Variants in NEURL4 observed in about 807,000 individuals in gnomAD.
NEURL4 encodes neuralized E3 ubiquitin protein ligase 4, also known as neuralized-like protein 4.
Under a neutral mutation model 148.0 loss-of-function variants are expected in NEURL4, and 45 were observed. That is an observed-to-expected ratio of 0.30 (90% CI 0.24 to 0.39). NEURL4 has a LOEUF of 0.39. NEURL4 is among the 10% of genes least tolerant of loss of function. The pLI is 1.00. For synonymous variants in NEURL4, 854 were observed against 869.0 expected (o/e 0.98, Z 0.30); for missense variants, 1,776 against 2,144.0 (o/e 0.83, Z 3.39).
intron 8 of NEURL4, 45 bp downstream of exon 8, chr17:7,325,164 A>AT: frequency 4.0e-6 from 1 of 251,018 alleles, no homozygotes; most frequent in Non-Finnish European, 6.8e-6. Flanking sequence ...CCCCCCCCCC[A>AT]TTAGAATCCC....
At position 7,318,113 on chromosome 17, in the gene NEURL4, C is replaced by T. The variant is rs201462316; in HGVS notation, c.4012G>A (p.Glu1338Lys). 4.6e-5 allele frequency: 75 copies of T among 1,614,052 alleles called. No individual in the cohort carries two copies. Among genetic ancestry groups the T allele is most frequent in the Middle Eastern group, 3.3e-4 (2 of 6,084 alleles). ...PPAASPLKSCEYHALCSRFQE... is the reference protein window; with the variant it reads ...PPAASPLKSCKYHALCSRFQE... ...AAGCGAGAGCAAAGGGCATGGTACT[C>T]GCAGCTCTTTAGAGGACTAGCGGCA... The change falls in exon 25 of 29, where the codon GAG becomes AAG. Residue 1338 changes from glutamate to lysine, a missense_variant. Physicochemically the swap from Glu to Lys is moderately conservative, Grantham distance 56. Coordinates refer to ENST00000399464, the MANE Select transcript of NEURL4 (RefSeq NM_032442.3). The surrounding 1 kb of genome is among the most constrained non-coding windows in gnomAD (Gnocchi z 4.3).
chr17:7,320,478 G>C (rs1251977137), intron 21 of NEURL4, among the ~76,000 whole-genome samples: 2 of 152,130 alleles, frequency 1.3e-5, no homozygotes, highest in Admixed American at 6.6e-5. Context: ...GTAGCAAAAA[G>C]GCACCTTCTT....
intron 21 of NEURL4, among the ~76,000 whole-genome samples, 166 bp from the exon 22 acceptor site, chr17:7,319,374 CTTT>C (rs374281551): frequency 2.0e-3 from 224 of 113,850 alleles, no homozygotes; most frequent in African/African-American, 6.3e-3. Flanking sequence ...TTCTTTCCCT[CTTT>C]TTTTTTTTTT....
rs1219298698 is a variant in NEURL4, at chr17:7,322,716, C to T, written c.2725+19G>A. The T allele has an allele frequency of 2.5e-6, 4 of 1,607,276 alleles. No individual in the cohort carries two copies. The East Asian group carries it at 6.7e-5, about 27-fold the overall frequency. ...AGCAGGCAAGCAGAGCCCGTCCAGC[C>T]CCCGCCCTGCTGCCGCACCTGGGGA... On this transcript the variant is annotated intron_variant, in intron 16 of 28. Transcript: ENST00000399464. This position sits in a 1 kb window ranked among gnomAD's most constrained non-coding sequence, Gnocchi z 5.5.
rs1411751773 is a variant in NEURL4 at position 7,326,007 on chromosome 17, G to A, written c.1293+248C>T. Reference sequence around the variant, plus strand: ...TGCAGGAGGTGGGGGAGCAATCAAAGAGGATAAGCTTCTTGCCCCGGTTCG... The same window carrying A: ...TGCAGGAGGTGGGGGAGCAATCAAAAAGGATAAGCTTCTTGCCCCGGTTCG... On this transcript the variant is annotated intron_variant, in intron 6 of 28. Transcript: ENST00000399464. This position sits in a 1 kb window ranked among gnomAD's most constrained non-coding sequence, Gnocchi z 6.0. Among the ~76,000 whole-genome samples the A allele has an allele frequency of 6.6e-6, 1 of 152,190 alleles. No homozygotes were observed. The highest frequency in any genetic ancestry group is 1.5e-5 in the Non-Finnish European group (1 of 68,036).
intron 1 of NEURL4, among the ~76,000 whole-genome samples, chr17:7,328,097 T>A (rs1306965833): frequency 6.6e-6 from 1 of 152,228 alleles, no homozygotes; most frequent in Non-Finnish European, 1.5e-5. Context: ...ACTAAACCAC[T>A]CCTTTCCAAG....
At position 7,320,920 on chromosome 17, in the gene NEURL4, G is replaced by C. The variant is rs2073023711; in HGVS notation, c.3364C>G (p.Gln1122Glu). 5 of 1,613,906 alleles carry C rather than the reference G, an allele frequency of 3.1e-6. No individual in the cohort carries two copies. Among genetic ancestry groups the C allele is most frequent in the Non-Finnish European group, 4.2e-6 (5 of 1,179,940 alleles). ...DEGEEHGLGG[Q>E]NEVGIIPTTL... is the part of the protein sequence containing the mutation. ...GTGGGTATAATACCCACTTCATTCT[G>C]GCCCTGGTGTGGAGGAAGGGACTGA... Residue 1122 changes from glutamine (Q) to glutamate (E), a missense_variant, in exon 21 of 29, where the codon CAG becomes GAG. Transcript: ENST00000399464.
In NEURL4 at chr17:7,325,300, C is replaced by A. The variant is rs376345187; in HGVS notation, c.1540G>T (p.Ala514Ser). The A allele has an allele frequency of 1.2e-6, 2 of 1,610,006 alleles. No individual in the cohort carries two copies. Among genetic ancestry groups the A allele is most frequent in the Non-Finnish European group, 1.7e-6 (2 of 1,178,566 alleles). The change falls in exon 8 of 29, where the codon GCC becomes TCC. Residue 514 changes from alanine to serine, a missense_variant. Physicochemically the swap from Ala to Ser is moderately conservative, Grantham distance 99. Transcript: ENST00000399464. ...AGCAGGCGCTCAGGTTCTGCCTGGG[C>A]GGCAGGGGCAGCACGGCGGAGAGCA... ...EGALRRAAPA[A>S]QAEPERLLFH...
rs372788234 is a variant in NEURL4, at chr17:7,326,890, C to T, written c.913G>A (p.Gly305Ser). 20 of 1,613,880 alleles carry T rather than the reference C, an allele frequency of 1.2e-5. No individual in the cohort carries two copies. The highest frequency in any genetic ancestry group is 1.5e-5 in the Non-Finnish European group (18 of 1,180,004). The change falls in exon 4 of 29, where the codon GGT becomes AGT. Residue 305 changes from glycine to serine, a missense_variant. Transcript: ENST00000399464. The surrounding 1 kb of genome is among the most constrained non-coding windows in gnomAD (Gnocchi z 6.0). Reference protein sequence around the residue: ...PPAGEGLGSSGAATSPILTSN... With the variant: ...PPAGEGLGSSSAATSPILTSN... The stretch of plus-strand genomic sequence containing the variant: ...GTGAGAATGGGCGAGGTGGCAGCAC[C>T]GCTAGATCCCAGGCCTTCCCCTGCC...
At position 7,324,130 on chromosome 17, in the gene NEURL4, C is replaced by T. The variant is rs1353353542; in HGVS notation, c.2040G>A (p.Gln680=). Residue 680 remains glutamine, a synonymous_variant, in exon 11 of 29, where the codon CAG becomes CAA. Transcript: ENST00000399464. The surrounding 1 kb of genome is among the most constrained non-coding windows in gnomAD (Gnocchi z 5.9). ...CACCCACGTCGTCCACAATGGTGGC[C>T]TGGGCCGCCTGGCCATAGAGATCGA... ...AVVDLYGQAA[Q]ATIVDDVEVA... 1.2e-6 allele frequency: 2 copies of T among 1,613,322 alleles called. No homozygotes were observed. The highest frequency in any genetic ancestry group is 1.7e-6 in the Non-Finnish European group (2 of 1,180,000).
At position 7,321,327 on chromosome 17, in the gene NEURL4, T is replaced by C. The variant is rs1452129222; in HGVS notation, c.3198+34A>G. 1 of 1,613,330 alleles carries C rather than the reference T, an allele frequency of 6.2e-7. No individual in the cohort carries two copies. Among genetic ancestry groups the C allele is most frequent in the African/African-American group, 1.3e-5 (1 of 74,718 alleles). ...AGAGATCAGCAGAAGACCTCAACCA[T>C]CCTCCCAGAACCCAAGGAAGCGTTC... On this transcript the variant is annotated intron_variant, in intron 19 of 28. Coordinates refer to ENST00000399464, the MANE Select transcript of NEURL4 (RefSeq NM_032442.3). This position sits in a 1 kb window ranked among gnomAD's most constrained non-coding sequence, Gnocchi z 6.3.
At chr17:7,317,426 C>G (rs1416500918) in intron 27 of NEURL4, 35 bp downstream of exon 27, 1 of 1,613,332 alleles carries the variant, frequency 6.2e-7, no homozygotes, top group Admixed American at 1.7e-5. Flanking sequence ...GCCCCCCAGG[C>G]TCAGCCCACC....
chr17:7,328,709 T>G (rs1329633670), intron 1 of NEURL4, among the ~76,000 whole-genome samples: 1 of 152,194 alleles, frequency 6.6e-6, no homozygotes, highest in Admixed American at 6.5e-5. Flanking sequence ...CTTTCTTCAC[T>G]TGCCATCACA....
In NEURL4 at chr17:7,325,716, A is replaced by C; in HGVS notation, c.1294-3T>G. On this transcript the variant is annotated splice_polypyrimidine_tract_variant and splice_region_variant and intron_variant, in intron 6 of 28. Transcript: ENST00000399464. ...GTGAGGCCAATGTGGTCACCCTCCT[A>C]ATCAAAGAAGACAAACAGTTTAGAG... The C allele has an allele frequency of 6.2e-7, 1 of 1,613,076 alleles. No individual in the cohort carries two copies.
chr17:7,326,045 G>A lies in NEURL4; in HGVS notation c.1293+210C>T, dbSNP rs552247693. On this transcript the variant is annotated intron_variant, in intron 6 of 28. Transcript: ENST00000399464. This position sits in a 1 kb window ranked among gnomAD's most constrained non-coding sequence, Gnocchi z 6.0. ...TTGCCCCGGTTCGCTACTACAAATG[G>A]GAAAACAGTAAGAGGAATTCAACCA... Among the ~76,000 whole-genome samples the A allele has an allele frequency of 1.3e-5, 2 of 152,282 alleles. No homozygotes were observed. Among genetic ancestry groups the A allele is most frequent in the South Asian group, 4.1e-4 (2 of 4,824 alleles).
intron 1 of NEURL4, among the ~76,000 whole-genome samples, chr17:7,328,269 C>A (rs1274137536): frequency 6.6e-6 from 1 of 152,240 alleles, no homozygotes; most frequent in East Asian, 1.9e-4. Flanking sequence ...AAAGATCAGG[C>A]TCTACCCAGA....
At position 7,319,076 on chromosome 17, in the gene NEURL4, G is replaced by T. The variant is rs372363218; in HGVS notation, c.3658C>A (p.Arg1220Ser). The T allele has an allele frequency of 6.2e-7, 1 of 1,613,634 alleles. No homozygotes were observed. Among genetic ancestry groups the T allele is most frequent in the East Asian group, 2.2e-5 (1 of 44,880 alleles). ...LKRAAWLLRG[R>S]GVFHNGLKIC... is the part of the protein sequence containing the mutation. ...TTGAGACCGTTGTGGAAGACCCCAC[G>T]GCCCCGCAGCAGCCAGGCTGCCCGT... Residue 1220 changes from arginine to serine, a missense_variant, in exon 22 of 29, where the codon CGT becomes AGT. Coordinates refer to ENST00000399464, the MANE Select transcript of NEURL4 (RefSeq NM_032442.3).
chr17:7,317,704 T>C, intron 26 of NEURL4, 84 bp downstream of exon 26: 2 of 1,585,992 alleles, frequency 1.3e-6, no homozygotes, highest in Non-Finnish European at 1.7e-6. Context: ...GAAGTTCTAT[T>C]ACTTCTTCCA....
chr17:7,323,324 CCT>C (rs2143012723), intron 14 of NEURL4, among the ~76,000 whole-genome samples, 159 bp downstream of exon 14: 1 of 152,282 alleles, frequency 6.6e-6, no homozygotes, highest in Admixed American at 6.5e-5. Flanking sequence ...GGACTGAGCC[CCT>C]GTGGGCCTGG....
Sources: allele counts gnomAD v4.1 joint callset (sites outside exome capture counted in the v4.1 genomes callset), GRCh38; gene constraint gnomAD v4.1.1; non-coding constraint Gnocchi (gnomAD v3.1); transcripts MANE v1.5; gene names NCBI Gene and HGNC (gene_info 2026-07-23, HGNC 2026-07-21).